ABCC1: variants seen among roughly 807,000 people sequenced by gnomAD.
ABCC1 encodes the protein ATP binding cassette subfamily C member 1 (ABCC1 blood group), also known as multidrug resistance-associated protein 1.
In ABCC1, 83 loss-of-function variants were observed where a neutral mutation model predicts 172.9. The observed-to-expected ratio is 0.48, with a 90% CI of 0.40 to 0.58. The LOEUF (loss-of-function observed/expected upper bound fraction) is 0.58. Ranked by LOEUF, ABCC1 falls within the 20% of genes least tolerant of loss-of-function variation. The pLI is 0.00. For missense variants in ABCC1, 1,817 were observed against 2,002.7 expected, an observed-to-expected ratio of 0.91 and a Z score of 1.77; for synonymous variants, 937 against 825.2, an observed-to-expected ratio of 1.14 and a Z score of -2.32.
intron 1 of ABCC1, among the ~76,000 whole-genome samples, chr16:15,994,014 T>G (rs1261585438): frequency 6.6e-6 from 1 of 152,048 alleles, no homozygotes; most frequent in Non-Finnish European, 1.5e-5. Context: ...GCAGACTGAG[T>G]TCAAGACCAG....
intron 8 of ABCC1, among the ~76,000 whole-genome samples, chr16:16,045,235 T>C (rs1384403389): frequency 6.6e-6 from 1 of 151,332 alleles, no homozygotes; most frequent in Non-Finnish European, 1.5e-5. Context: ...AACCATCTGC[T>C]AAAAATACAA....
At chr16:16,027,088 G>A (rs2048402032) in intron 5 of ABCC1, among the ~76,000 whole-genome samples, 1 of 152,112 alleles carries the variant, frequency 6.6e-6, no homozygotes, top group South Asian at 2.1e-4. Context: ...AGCCTCCCCT[G>A]GCTGTCTCTA....
chr16:15,975,334 GGAGTTCTCCTGGTTT>G (rs1197365155), intron 1 of ABCC1, among the ~76,000 whole-genome samples: 3 of 152,026 alleles, frequency 2.0e-5, no homozygotes, highest in Non-Finnish European at 4.4e-5. Flanking sequence ...TAGGTGCTTG[GGAGTTCTCCTGGTTT>G]TTTGCTGTTG....
intron 5 of ABCC1, among the ~76,000 whole-genome samples, chr16:16,031,795 G>A (rs527317196): frequency 6.6e-6 from 1 of 151,850 alleles, no homozygotes; most frequent in African/African-American, 2.4e-5. Context: ...TGTCTCATTG[G>A]TAATATTTCT....
chr16:16,124,361 GACCCAC>G (rs1567432246), intron 24 of ABCC1, among the ~76,000 whole-genome samples: 4 of 102,434 alleles, frequency 3.9e-5, no homozygotes, highest in Admixed American at 1.1e-4. Flanking sequence ...TTATAGGAGT[GACCCAC>G]TACGCCCGGC....
At chr16:15,984,733 C>T (rs913925180) in intron 1 of ABCC1, among the ~76,000 whole-genome samples, 5 of 152,072 alleles carry the variant, frequency 3.3e-5, no homozygotes, top group African/African-American at 9.7e-5. Context: ...CTTGAGCCAC[C>T]GCGCCCGGCC....
At chr16:15,982,826 G>GAAAAAAAAAAAAAAAAAAAAAAAAAAAAA (rs1272269895) in intron 1 of ABCC1, among the ~76,000 whole-genome samples, 1 of 43,632 alleles carries the variant, frequency 2.3e-5, no homozygotes. Context: ...AAAAAAAAAG[G>GAAAAAAAAAAAAAAAAAAAAAAAAAAAAA]AAATCCATTC....
intron 22 of ABCC1, 51 bp from the exon 23 acceptor site, chr16:16,114,715 C>T: frequency 6.5e-7 from 1 of 1,530,776 alleles, no homozygotes; most frequent in Non-Finnish European, 8.8e-7. Flanking sequence ...CCTGCAGTGC[C>T]TGGTCAGCTC....
At chr16:16,079,587 G>A in intron 16 of ABCC1, 109 bp downstream of exon 16, 1 of 1,364,762 alleles carries the variant, frequency 7.3e-7, no homozygotes, top group Non-Finnish European at 9.8e-7. Context: ...AGCGAAAGCA[G>A]CAACGTCTCT....
chr16:16,121,877 G>T (rs1442064777), intron 23 of ABCC1, 98 bp from the exon 24 acceptor site: 3 of 1,330,674 alleles, frequency 2.3e-6, no homozygotes, highest in African/African-American at 2.9e-5. Context: ...CCTCCTGGAG[G>T]TATCGGTTAC....
intron 1 of ABCC1, among the ~76,000 whole-genome samples, chr16:15,982,977 T>C (rs2046661344): frequency 6.6e-6 from 1 of 152,050 alleles, no homozygotes; most frequent in Non-Finnish European, 1.5e-5. Context: ...AGATACTATA[T>C]AGCATGTTCA....
At chr16:16,006,233 C>T (rs2047527446) in intron 1 of ABCC1, among the ~76,000 whole-genome samples, 1 of 151,984 alleles carries the variant, frequency 6.6e-6, no homozygotes, top group Non-Finnish European at 1.5e-5. Context: ...GTTATTTAGT[C>T]AGTTGCCAGA....
intron 28 of ABCC1, among the ~76,000 whole-genome samples, chr16:16,136,271 G>A (rs529360429): frequency 1.3e-5 from 2 of 152,114 alleles, no homozygotes; most frequent in South Asian, 2.1e-4. Flanking sequence ...TGATCCACTC[G>A]CCTCGGCCTG....
At chr16:16,045,655 C>G (rs573242026) in intron 8 of ABCC1, among the ~76,000 whole-genome samples, 181 bp from the exon 9 acceptor site, 1 of 152,132 alleles carries the variant, frequency 6.6e-6, no homozygotes, top group African/African-American at 2.4e-5. Flanking sequence ...CTTTTATGAG[C>G]AGTTTGGGTC....
intron 19 of ABCC1, among the ~76,000 whole-genome samples, chr16:16,101,650 T>G (rs1451813674): frequency 1.3e-5 from 2 of 152,244 alleles, no homozygotes; most frequent in Non-Finnish European, 2.9e-5. Context: ...TACATTGTGC[T>G]GCTTTCTCTC....
At chr16:15,971,784 C>T (rs1208690286) in intron 1 of ABCC1, among the ~76,000 whole-genome samples, 1 of 152,110 alleles carries the variant, frequency 6.6e-6, no homozygotes, top group African/African-American at 2.4e-5. Context: ...GGCCAACACA[C>T]CAAAATGATA....
At chr16:15,969,008 G>A (rs1597061185) in intron 1 of ABCC1, among the ~76,000 whole-genome samples, 1 of 151,982 alleles carries the variant, frequency 6.6e-6, no homozygotes, top group South Asian at 2.1e-4. Flanking sequence ...AGTAGTTCAA[G>A]GCCAGGCTGT....
At chr16:16,110,763 T>C (rs9933511) in intron 21 of ABCC1, among the ~76,000 whole-genome samples, 3 of 152,004 alleles carry the variant, frequency 2.0e-5, no homozygotes, top group Non-Finnish European at 2.9e-5. Flanking sequence ...TTAGGTCAGG[T>C]TGTCTGATTT....
intron 20 of ABCC1, among the ~76,000 whole-genome samples, chr16:16,104,862 C>T (rs2051996629): frequency 6.6e-6 from 1 of 152,206 alleles, no homozygotes; most frequent in Non-Finnish European, 1.5e-5. Flanking sequence ...GCAGCAGCTG[C>T]TGGCCCAGGT....
Sources: gnomAD v4.1 joint callset for allele counts (sites outside exome capture counted in the v4.1 genomes callset) on GRCh38, gnomAD v4.1.1 for gene constraint, MANE v1.5 for transcripts, NCBI Gene and HGNC (gene_info 2026-07-23, HGNC 2026-07-21) for gene names.